The following EXD3 variants were observed in gnomAD, a reference collection of about 807,000 sequenced individuals.
EXD3 encodes exonuclease mut-7 homolog.
A neutral mutation model predicts 98.0 loss-of-function variants in EXD3; 92 were observed. The ratio of observed to expected loss-of-function variants is 0.94; its 90% CI spans 0.79 to 1.12. The LOEUF is 1.12. Ranked by LOEUF, EXD3 falls within the 50% of genes most tolerant of loss-of-function variation. The pLI, the probability that EXD3 is intolerant of heterozygous loss-of-function variation, is 0.00. For missense variants in EXD3, 1,222 were observed against 1,191.6 expected, an observed-to-expected ratio of 1.03 and a Z score of -0.38; for synonymous variants, 569 against 526.0, an observed-to-expected ratio of 1.08 and a Z score of -1.12.
Position 137,419,975 on chromosome 9 carries a change from C to T in EXD3, c.-48+3139G>A, listed in dbSNP as rs185395588. On this transcript the variant is annotated intron_variant, in intron 1 of 21. Transcript: ENST00000340951. ...GAGATCGAGACCATCCTGGCTAATACGGTGAAACCCCATCTCTACTAAAAA... is the reference window on the plus strand; with the variant it reads ...GAGATCGAGACCATCCTGGCTAATATGGTGAAACCCCATCTCTACTAAAAA... 8.0e-3 allele frequency among the ~76,000 whole-genome samples: 1,220 copies of T among 151,966 alleles called. 9 individuals are homozygous for T. Among genetic ancestry groups the T allele is most frequent in the South Asian group, 0.011 (55 of 4,812 alleles).
chr9:137,406,110 G>C lies in EXD3; in HGVS notation c.-47-10706C>G, dbSNP rs1434731639. On this transcript the variant is annotated intron_variant, in intron 1 of 21. Coordinates refer to ENST00000340951, the MANE Select transcript of EXD3 (RefSeq NM_017820.5). Reference sequence around the variant, plus strand: ...ATGCACCTGTAGTCCCAGCTACTCAGGAGGCTGAGGTGGGAGGACCGCTTG... The same window carrying C: ...ATGCACCTGTAGTCCCAGCTACTCACGAGGCTGAGGTGGGAGGACCGCTTG... Among the ~76,000 whole-genome samples the C allele has an allele frequency of 2.0e-5, 3 of 152,064 alleles. 1 individual carries two copies. Among genetic ancestry groups the C allele is most frequent in the African/African-American group, 7.2e-5 (3 of 41,490 alleles).
At chr9:137,355,457 A>C (rs1293065878) in intron 8 of EXD3, among the ~76,000 whole-genome samples, 2 of 107,662 alleles carry the variant, frequency 1.9e-5, no homozygotes, top group African/African-American at 4.3e-5. Context: ...GGATGGAGGA[A>C]GGAGAAAGGA....
chr9:137,316,264 A>AGGGCGCCCGGCGGAGATTCAAAAGCT (rs1831653544), intron 19 of EXD3, among the ~76,000 whole-genome samples: 2 of 151,760 alleles, frequency 1.3e-5, no homozygotes, highest in South Asian at 4.1e-4. Flanking sequence ...ACGGCCACTC[A>AGGGCGCCCGGCGGAGATTCAAAAGCT]GGGCGCCCGG....
At chr9:137,355,437 GAGGA>G (rs1356578192) in intron 8 of EXD3, among the ~76,000 whole-genome samples, 2 of 124,734 alleles carry the variant, frequency 1.6e-5, no homozygotes, top group Non-Finnish European at 1.6e-5. Flanking sequence ...AAGGAGGATG[GAGGA>G]AGGGAGGATG....
In EXD3 at chr9:137,341,360, A is replaced by G. The variant is rs150462825; in HGVS notation, c.1998+6711T>C. Among the ~76,000 whole-genome samples, 1,517 of 152,340 alleles carry G rather than the reference A, an allele frequency of 1.0e-2. 14 individuals carry two copies. Among genetic ancestry groups the G allele is most frequent in the African/African-American group, 0.034 (1,408 of 41,560 alleles). ...GACCAGGCATGTGTTAAGGGTCCCC[A>G]AGATCATCCTGAGGTGATTCAGTGT... On this transcript the variant is annotated intron_variant, in intron 17 of 21. Coordinates refer to ENST00000340951, the MANE Select transcript of EXD3 (RefSeq NM_017820.5).
In EXD3 at chr9:137,307,590, G is replaced by A; in HGVS notation, c.2317+18C>T. 6.2e-7 allele frequency: 1 copy of A among 1,609,078 alleles called. No individual in the cohort carries two copies. The highest frequency in any genetic ancestry group is 2.2e-5 in the East Asian group (1 of 44,860). On this transcript the variant is annotated intron_variant, in intron 21 of 21. Transcript: ENST00000340951. The stretch of plus-strand genomic sequence containing the variant: ...CAGAGAAGCAGCTGTGTCCTTGGTG[G>A]GCGGTCCCGGGGCTCACCTGGCTCC...
intron 1 of EXD3, among the ~76,000 whole-genome samples, chr9:137,417,239 C>T (rs2131841700): frequency 6.6e-6 from 1 of 152,310 alleles, no homozygotes; most frequent in Admixed American, 6.5e-5. Context: ...CGGACTCACG[C>T]GGGCGCCGCA....
Position 137,351,314 on chromosome 9 carries a change from TCACC to T in EXD3, c.1384_1384+3del. 1 of 1,610,362 alleles carries T rather than the reference TCACC, an allele frequency of 6.2e-7. No homozygotes were observed. The highest frequency in any genetic ancestry group is 1.1e-5 in the South Asian group (1 of 90,702). On this transcript the variant is annotated splice_donor_variant and splice_donor_region_variant and coding_sequence_variant and intron_variant, in exon 13 of 22. Transcript: ENST00000340951. LOFTEE classifies it high-confidence loss of function. ...TGGGCAGGGGGCCCCAGGGCTTCAC[TCACC>T]CAGCTTGGTGATAGAGGGGTCCGAG... is the stretch of plus-strand genomic sequence containing the variant.
At chr9:137,337,349 T>C (rs1833407118) in intron 17 of EXD3, among the ~76,000 whole-genome samples, 1 of 152,062 alleles carries the variant, frequency 6.6e-6, no homozygotes, top group Non-Finnish European at 1.5e-5. Context: ...GGCAGAAAAG[T>C]AAATAGGATA....
chr9:137,308,245 C>T (rs1303986667), intron 20 of EXD3, among the ~76,000 whole-genome samples: 1 of 152,196 alleles, frequency 6.6e-6, no homozygotes, highest in East Asian at 1.9e-4. Flanking sequence ...TGCCCTGCTC[C>T]TGTTGACCCT....
rs970965566 is a variant in EXD3, at chr9:137,395,740, T to C, written c.-47-336A>G. On this transcript the variant is annotated intron_variant, in intron 1 of 21. Coordinates refer to ENST00000340951, the MANE Select transcript of EXD3 (RefSeq NM_017820.5). The surrounding 1 kb of genome is among the most constrained non-coding windows in gnomAD (Gnocchi z 6.5). The stretch of plus-strand genomic sequence containing the variant: ...GTTCTTGAGGACAGCGTGACCCCCC[T>C]TGCCATGTCCCCCTCAGGCTGTGTG... Among the ~76,000 whole-genome samples, 1 of 152,036 alleles carries C rather than the reference T, an allele frequency of 6.6e-6. No homozygotes were observed. The highest frequency in any genetic ancestry group is 1.5e-5 in the Non-Finnish European group (1 of 67,982).
At chr9:137,351,173 G>C (rs767110521) in intron 13 of EXD3, 26 bp from the exon 14 acceptor site, 27 of 1,553,264 alleles carry the variant, frequency 1.7e-5, no homozygotes, top group Middle Eastern at 3.4e-4. Flanking sequence ...ATCGTGGGAG[G>C]GGCGCCTGCA....
At chr9:137,401,772 C>G (rs908392813) in intron 1 of EXD3, among the ~76,000 whole-genome samples, 3 of 152,186 alleles carry the variant, frequency 2.0e-5, no homozygotes, top group South Asian at 2.1e-4. Flanking sequence ...GGGCCCAGCC[C>G]ACAAAACCAC....
intron 17 of EXD3, among the ~76,000 whole-genome samples, chr9:137,337,839 G>C (rs113353351): frequency 6.6e-6 from 1 of 151,490 alleles, no homozygotes; most frequent in Admixed American, 6.6e-5. Flanking sequence ...CCAGGCTGGA[G>C]TGCAGTGACG....
intron 1 of EXD3, among the ~76,000 whole-genome samples, chr9:137,418,819 C>G (rs891741131): frequency 7.3e-5 from 11 of 151,140 alleles, no homozygotes; most frequent in Non-Finnish European, 1.5e-4. Flanking sequence ...CTCACGCTGT[C>G]TTTAGTAGGT....
intron 8 of EXD3, among the ~76,000 whole-genome samples, chr9:137,355,443 G>GGGAGGAAGGAGGAA (rs1564507957): frequency 6.3e-5 from 1 of 15,918 alleles, no homozygotes; most frequent in African/African-American, 1.6e-4. Flanking sequence ...GATGGAGGAA[G>GGGAGGAAGGAGGAA]GGAGGATGGA....
intron 17 of EXD3, among the ~76,000 whole-genome samples, chr9:137,332,572 A>C (rs140883540): frequency 6.8e-5 from 10 of 146,266 alleles, no homozygotes; most frequent in African/African-American, 2.6e-4. Context: ...GGCCAGGCGC[A>C]GTGGCTCACG....
rs1413830175 is a variant in EXD3 at position 137,363,357 on chromosome 9, G to A, written c.656+3136C>T. ...TTCCTTTTTTTTTTTTTTTTTTTTG[G>A]GACAGAATCTCCCTCTGCCACCCAG... is the stretch of plus-strand genomic sequence containing the variant. On this transcript the variant is annotated intron_variant, in intron 7 of 21. Transcript: ENST00000340951. Among the ~76,000 whole-genome samples, 3 of 71,374 alleles carry A rather than the reference G, an allele frequency of 4.2e-5. No individual in the cohort carries two copies. In the Admixed American group the frequency reaches 4.7e-4, roughly 11 times the overall value. 46.8% of individuals were successfully genotyped at this position (71,374 alleles called of 152,430 possible).
chr9:137,361,765 T>A (rs1352391250), intron 7 of EXD3, among the ~76,000 whole-genome samples: 7 of 135,418 alleles, frequency 5.2e-5, no homozygotes, highest in African/African-American at 1.7e-4. Context: ...AAAAAAAAAA[T>A]TACCAGGCAT....
Sources: gnomAD v4.1 joint callset for allele counts (sites outside exome capture counted in the v4.1 genomes callset) on GRCh38, gnomAD v4.1.1 for gene constraint, Gnocchi (gnomAD v3.1) non-coding constraint, MANE v1.5 for transcripts, NCBI Gene and HGNC (gene_info 2026-07-23, HGNC 2026-07-21) for gene names.